Variants in GMDS observed in about 807,000 individuals in gnomAD.
The protein encoded by GMDS is GDP-mannose 4,6-dehydratase.
Under a neutral mutation model 49.9 loss-of-function variants are expected in GMDS, and 20 were observed. That is an observed-to-expected ratio of 0.40 (90% confidence interval 0.28 to 0.58). The LOEUF (loss-of-function observed/expected upper bound fraction) is 0.58. Ranked by LOEUF, GMDS falls within the 20% of genes least tolerant of loss-of-function variation. The pLI, the probability that GMDS is intolerant of heterozygous loss-of-function variation, is 0.42. For missense variants in GMDS, 362 were observed against 481.4 expected, an observed-to-expected ratio of 0.75 and a Z score of 2.32; for synonymous variants, 177 against 178.6, an observed-to-expected ratio of 0.99 and a Z score of 0.07.
At chr6:1,736,321 G>C (rs769878620) in intron 8 of GMDS, among the ~76,000 whole-genome samples, 3 of 152,172 alleles carry the variant, frequency 2.0e-5, no homozygotes, top group Non-Finnish European at 4.4e-5. Flanking sequence ...TTCCAGGAGG[G>C]AGGTAGAGAG....
intron 4 of GMDS, among the ~76,000 whole-genome samples, chr6:2,059,665 A>G (rs1005954569): frequency 2.6e-5 from 3 of 115,918 alleles, no homozygotes; most frequent in African/African-American, 9.8e-5. Context: ...CCGAGATCGC[A>G]CCACTGCACT....
intron 7 of GMDS, among the ~76,000 whole-genome samples, chr6:1,913,540 G>A (rs1408154929): frequency 6.6e-6 from 1 of 152,106 alleles, no homozygotes; most frequent in Non-Finnish European, 1.5e-5. Flanking sequence ...AGAATAGAAG[G>A]GTGTGATTTG....
chr6:1,816,658 CAG>C (rs1360493295), intron 7 of GMDS, among the ~76,000 whole-genome samples: 2 of 152,176 alleles, frequency 1.3e-5, no homozygotes, highest in African/African-American at 4.8e-5. Context: ...TCAAAGAACA[CAG>C]AAGTGCACAG....
intron 7 of GMDS, among the ~76,000 whole-genome samples, chr6:1,781,095 G>A (rs1256378521): frequency 6.6e-6 from 1 of 152,054 alleles, no homozygotes; most frequent in Non-Finnish European, 1.5e-5. Context: ...ATTGCAAGAC[G>A]AAGGACACCG....
chr6:1,753,065 C>A (rs1053617650), intron 7 of GMDS, among the ~76,000 whole-genome samples: 1 of 152,026 alleles, frequency 6.6e-6, no homozygotes, highest in Non-Finnish European at 1.5e-5. Context: ...GGGCTTAATG[C>A]CCCAATTAAA....
At chr6:2,042,087 G>A (rs1769719243) in intron 4 of GMDS, among the ~76,000 whole-genome samples, 1 of 152,206 alleles carries the variant, frequency 6.6e-6, no homozygotes, top group African/African-American at 2.4e-5. Context: ...TGAGATAACT[G>A]TGGGAAATCA....
At chr6:1,913,708 C>T (rs1488538940) in intron 7 of GMDS, among the ~76,000 whole-genome samples, 1 of 152,212 alleles carries the variant, frequency 6.6e-6, no homozygotes, top group East Asian at 1.9e-4. Context: ...AGTGAAACAG[C>T]ACCACTCAGA....
intron 9 of GMDS, among the ~76,000 whole-genome samples, chr6:1,657,048 G>T (rs573770653): frequency 1.3e-5 from 2 of 152,174 alleles, no homozygotes; most frequent in African/African-American, 2.4e-5. Flanking sequence ...GGGGCTCCTT[G>T]GTGTGGGGAC....
chr6:1,969,301 GA>G (rs1764466620), intron 4 of GMDS, among the ~76,000 whole-genome samples: 2 of 93,460 alleles, frequency 2.1e-5, no homozygotes, highest in South Asian at 7.8e-4. Context: ...GAGAAAGAAA[GA>G]AAAAAAGAAA....
rs768090440 is a variant in GMDS, at chr6:1,930,128, C to G, written c.746G>C (p.Trp249Ser). Residue 249 changes from tryptophan to serine, a missense_variant, in exon 7 of 11, where the codon TGG (tryptophan) becomes TCG (serine). Transcript: ENST00000380815. ...SLGNLDAKRD[W>S]GHAKDYVEAM... ...CTCCACATAGTCCTTGGCATGGCCC[C>G]AATCTCGTTTGGCATCCAGATTTCC... 1 of 1,612,770 alleles carries G rather than the reference C, an allele frequency of 6.2e-7. No homozygotes were observed. Among genetic ancestry groups the G allele is most frequent in the South Asian group, 1.1e-5 (1 of 90,754 alleles).
intron 4 of GMDS, among the ~76,000 whole-genome samples, chr6:2,004,674 T>G (rs2127386523): frequency 6.6e-6 from 1 of 152,166 alleles, no homozygotes; most frequent in African/African-American, 2.4e-5. Context: ...TACCACAACT[T>G]GAGACTTCTG....
chr6:1,831,503 C>T (rs1297844373), intron 7 of GMDS, among the ~76,000 whole-genome samples: 1 of 152,152 alleles, frequency 6.6e-6, no homozygotes, highest in African/African-American at 2.4e-5. Context: ...GAGCACTCAT[C>T]AATGAGAATT....
At chr6:2,037,278 AG>A (rs1310416943) in intron 4 of GMDS, among the ~76,000 whole-genome samples, 1 of 152,230 alleles carries the variant, frequency 6.6e-6, no homozygotes, top group Non-Finnish European at 1.5e-5. Flanking sequence ...TGGTCCAAAA[AG>A]GAGGTAAACT....
rs572195879 is a variant in GMDS at position 2,185,067 on chromosome 6, C to T, written c.102+60254G>A. Among the ~76,000 whole-genome samples the T allele has an allele frequency of 3.9e-5, 6 of 152,320 alleles. No individual in the cohort carries two copies. In the South Asian group the frequency reaches 1.2e-3, roughly 32 times the overall value. ...ATGGTGGAGGCCCAGGGAGGATAGG[C>T]TATTGGTCAAGCCGACAAGGCAAAG... On this transcript the variant is annotated intron_variant, in intron 1 of 10. Transcript: ENST00000380815.
chr6:1,943,590 T>C (rs1054142517), intron 6 of GMDS, among the ~76,000 whole-genome samples: 1 of 152,218 alleles, frequency 6.6e-6, no homozygotes, highest in African/African-American at 2.4e-5. Flanking sequence ...TGAACCTGAT[T>C]CTCTTATTGC....
chr6:2,211,232 G>T (rs2127582955), intron 1 of GMDS, among the ~76,000 whole-genome samples: 1 of 152,286 alleles, frequency 6.6e-6, no homozygotes, highest in South Asian at 2.1e-4. Flanking sequence ...CACCACACTA[G>T]AAGAGTAAGA....
At chr6:2,156,222 T>A (rs1581723995) in intron 1 of GMDS, among the ~76,000 whole-genome samples, 1 of 152,172 alleles carries the variant, frequency 6.6e-6, no homozygotes, top group African/African-American at 2.4e-5. Context: ...TATTTGTTTG[T>A]ATGTTGCATG....
At chr6:2,226,193 T>G (rs1466224456) in intron 1 of GMDS, among the ~76,000 whole-genome samples, 3 of 152,196 alleles carry the variant, frequency 2.0e-5, no homozygotes, top group African/African-American at 7.2e-5. Flanking sequence ...ACAATATACT[T>G]TAATTTTGTC....
At chr6:1,934,607 T>A (rs1762436179) in intron 6 of GMDS, among the ~76,000 whole-genome samples, 1 of 152,222 alleles carries the variant, frequency 6.6e-6, no homozygotes, top group Non-Finnish European at 1.5e-5. Flanking sequence ...GCTAAATTTG[T>A]TCCTAAACAC....
Sources: gnomAD v4.1 joint callset for allele counts (sites outside exome capture counted in the v4.1 genomes callset) on GRCh38, gnomAD v4.1.1 for gene constraint, MANE v1.5 for transcripts, NCBI Gene and HGNC (gene_info 2026-07-23, HGNC 2026-07-21) for gene names.